PLXDC2: variants seen among roughly 807,000 people sequenced by gnomAD.
PLXDC2 encodes the protein plexin domain-containing protein 2.
Under a neutral mutation model 68.9 loss-of-function variants are expected in PLXDC2, and 40 were observed. The ratio of observed to expected loss-of-function variants is 0.58; its 90% CI spans 0.45 to 0.76. The LOEUF (loss-of-function observed/expected upper bound fraction) is 0.76, where lower values mean the gene tolerates loss of function less well. PLXDC2 is among the 30% of genes least tolerant of loss of function. The probability of loss-of-function intolerance (pLI) is 0.00; values close to 1 mark genes in which losing one functional copy is unlikely to be tolerated. For synonymous variants in PLXDC2, 243 were observed against 234.2 expected (o/e 1.04, Z -0.34); for missense variants, 644 against 661.9 (o/e 0.97, Z 0.30).
At chr10:20,272,999 T>A (rs937147771) in intron 13 of PLXDC2, among the ~76,000 whole-genome samples, 1 of 152,226 alleles carries the variant, frequency 6.6e-6, no homozygotes, top group Non-Finnish European at 1.5e-5. Context: ...ATTGCATTTG[T>A]TTTGGGCACA....
intron 1 of PLXDC2, among the ~76,000 whole-genome samples, chr10:19,960,295 TC>T (rs576431446): frequency 5.3e-4 from 80 of 151,940 alleles, no homozygotes; most frequent in African/African-American, 1.7e-3. Context: ...GTCCTGGAGT[TC>T]CAGGTCACAG....
chr10:20,253,073 T>G (rs549344057), intron 13 of PLXDC2, among the ~76,000 whole-genome samples: 1 of 152,122 alleles, frequency 6.6e-6, no homozygotes, highest in South Asian at 2.1e-4. Context: ...CAAAACAGTT[T>G]ATTTTCCTAG....
intron 7 of PLXDC2, 86 bp from the exon 8 acceptor site, chr10:20,176,913 A>G: frequency 1.0e-6 from 1 of 955,252 alleles, no homozygotes; most frequent in Non-Finnish European, 1.6e-6. Context: ...GGCTATATGT[A>G]TATAATTCTA....
chr10:19,954,152 G>T (rs761841390), intron 1 of PLXDC2, among the ~76,000 whole-genome samples: 1 of 152,312 alleles, frequency 6.6e-6, no homozygotes, highest in South Asian at 2.1e-4. Flanking sequence ...AGCAAAATGT[G>T]TGGGCTTATC....
chr10:19,836,961 A>G (rs747514170), intron 1 of PLXDC2, among the ~76,000 whole-genome samples: 37 of 152,256 alleles, frequency 2.4e-4, no homozygotes, highest in South Asian at 2.1e-4. Context: ...TCTAGCCTTT[A>G]TTTGTGTTTA....
At chr10:20,162,103 G>T (rs546720580) in intron 6 of PLXDC2, among the ~76,000 whole-genome samples, 1 of 140,622 alleles carries the variant, frequency 7.1e-6, no homozygotes, top group East Asian at 2.1e-4. Context: ...AAGGAAGGAA[G>T]GAAGGAAGGA....
chr10:20,129,094 C>T (rs189360473), intron 4 of PLXDC2, among the ~76,000 whole-genome samples: 14 of 152,240 alleles, frequency 9.2e-5, no homozygotes, highest in African/African-American at 3.4e-4. Flanking sequence ...ATTTACATTT[C>T]CACCAACAAT....
At chr10:20,092,882 GC>G (rs1237674627) in intron 4 of PLXDC2, among the ~76,000 whole-genome samples, 1 of 152,032 alleles carries the variant, frequency 6.6e-6, no homozygotes, top group Non-Finnish European at 1.5e-5. Context: ...AGGGATGCCA[GC>G]CCCCAACAGA....
chr10:20,177,239 G>A lies in PLXDC2; in HGVS notation c.980-89G>A, dbSNP rs1227019205. 6.0e-6 allele frequency: 8 copies of A among 1,337,350 alleles called. No homozygotes were observed. The East Asian group carries it at 1.2e-4, about 19-fold the overall frequency. The allele number at this position is 1,337,350 out of a possible 1,614,324, so 82.8% of individuals were successfully genotyped here. A position where few individuals can be genotyped will look rare whatever the true frequency, so the allele number is the denominator to read the frequency against. ...GGGCATTTTGCTCCTGAGGATTAGG[G>A]GGCAGTGATTTTTATTCTGGTTGAG... is the stretch of plus-strand genomic sequence containing the variant. On this transcript the variant is annotated intron_variant, in intron 8 of 13. Coordinates refer to ENST00000377252, the MANE Select transcript of PLXDC2 (RefSeq NM_032812.9).
intron 7 of PLXDC2, among the ~76,000 whole-genome samples, chr10:20,168,655 T>G (rs1589662947): frequency 6.6e-6 from 1 of 152,162 alleles, no homozygotes; most frequent in Non-Finnish European, 1.5e-5. Flanking sequence ...ACCATAGAAA[T>G]CAGCTAATTC....
chr10:20,151,017 T>A (rs1408681811), intron 6 of PLXDC2, among the ~76,000 whole-genome samples: 1 of 152,202 alleles, frequency 6.6e-6, no homozygotes, highest in Non-Finnish European at 1.5e-5. Flanking sequence ...TTCAAAGAAG[T>A]CATTTTTACT....
chr10:20,149,321 C>A (rs575633084), intron 6 of PLXDC2, among the ~76,000 whole-genome samples: 1 of 135,668 alleles, frequency 7.4e-6, no homozygotes, highest in Admixed American at 8.3e-5. Flanking sequence ...TCACCATAAC[C>A]TCTGCCTTCT....
At chr10:19,894,020 G>A (rs7920030) in intron 1 of PLXDC2, among the ~76,000 whole-genome samples, 22,698 of 152,148 alleles carry the variant, frequency 0.15, 2,602 homozygotes, top group African/African-American at 0.33. Context: ...CACGAATGGA[G>A]TAAATTCAGA....
chr10:20,182,324 A>G (rs1392657223), intron 9 of PLXDC2, among the ~76,000 whole-genome samples: 1 of 151,930 alleles, frequency 6.6e-6, no homozygotes, highest in Non-Finnish European at 1.5e-5. Flanking sequence ...TGCCCAATCT[A>G]CACCTATATA....
Position 19,817,622 on chromosome 10 carries a change from G to T in PLXDC2, c.112+431G>T, listed in dbSNP as rs551785846. 2.6e-5 allele frequency among the ~76,000 whole-genome samples: 4 copies of T among 152,300 alleles called. No homozygotes were observed. In the East Asian group the frequency reaches 7.8e-4, roughly 30 times the overall value. ...GGGGACGTTGTGAAAGCCAGGGATTGCAGGTCTCCCCTCTGCACGAGAAAA... is the reference window on the plus strand; with the variant it reads ...GGGGACGTTGTGAAAGCCAGGGATTTCAGGTCTCCCCTCTGCACGAGAAAA... On this transcript the variant is annotated intron_variant, in intron 1 of 13. Transcript: ENST00000377252.
At chr10:19,892,312 C>G (rs1295610511) in intron 1 of PLXDC2, among the ~76,000 whole-genome samples, 3 of 152,092 alleles carry the variant, frequency 2.0e-5, no homozygotes, top group Non-Finnish European at 4.4e-5. Context: ...CTTGAAGGAC[C>G]TAATTTGTCC....
At chr10:19,821,584 A>T (rs1223345833) in intron 1 of PLXDC2, among the ~76,000 whole-genome samples, 2 of 152,242 alleles carry the variant, frequency 1.3e-5, no homozygotes, top group African/African-American at 4.8e-5. Context: ...CAACCAATAA[A>T]TAGTTGCAAT....
intron 4 of PLXDC2, among the ~76,000 whole-genome samples, chr10:20,127,538 A>G (rs994689146): frequency 6.6e-6 from 1 of 152,318 alleles, no homozygotes; most frequent in Non-Finnish European, 1.5e-5. Flanking sequence ...TTCATTTACT[A>G]TAGAATATTC....
chr10:20,028,968 CCT>C (rs1835454420), intron 2 of PLXDC2, among the ~76,000 whole-genome samples: 2 of 152,156 alleles, frequency 1.3e-5, no homozygotes, highest in South Asian at 4.1e-4. Flanking sequence ...ATCAAACTGT[CCT>C]CAATTCACAT....
Sources: allele counts gnomAD v4.1 joint callset (sites outside exome capture counted in the v4.1 genomes callset), GRCh38; gene constraint gnomAD v4.1.1; transcripts MANE v1.5; gene names NCBI Gene and HGNC (gene_info 2026-07-23, HGNC 2026-07-21).